Variants in MIPOL1 observed in about 807,000 individuals in gnomAD.
MIPOL1 encodes the protein mirror-image polydactyly 1, also known as mirror-image polydactyly gene 1 protein.
MIPOL1 carries 57 observed loss-of-function variants against 60.9 expected under a neutral mutation model. That is an observed-to-expected ratio of 0.94 (90% CI 0.76 to 1.17). MIPOL1 has a LOEUF of 1.17. MIPOL1 is among the 50% of genes most tolerant of loss of function. MIPOL1 has a pLI of 0.00. For synonymous variants in MIPOL1, 179 were observed against 168.8 expected, an observed-to-expected ratio of 1.06 and a Z score of -0.47; for missense variants, 551 against 511.6, an observed-to-expected ratio of 1.08 and a Z score of -0.74.
intron 10 of MIPOL1, among the ~76,000 whole-genome samples, chr14:37,384,686 A>G (rs1228086358): frequency 6.6e-6 from 1 of 151,944 alleles, no homozygotes; most frequent in Non-Finnish European, 1.5e-5. Context: ...CCATTCCCTT[A>G]ACAGTACCTG....
In MIPOL1 at chr14:37,268,717, C is replaced by T. The variant is rs151014638; in HGVS notation, c.311C>T (p.Thr104Ile). 9.2e-5 allele frequency: 147 copies of T among 1,601,394 alleles called. No homozygotes were observed. In the African/African-American group the frequency reaches 1.7e-3, roughly 19 times the overall value. ...HYECMTPCQV[T>I]SDSDKEKTIA... Reference sequence around the variant, plus strand: ...GAATGTATGACTCCTTGTCAAGTTACTTCAGACTCAGATAAAGAGAAGACA... The same window carrying T: ...GAATGTATGACTCCTTGTCAAGTTATTTCAGACTCAGATAAAGAGAAGACA... Residue 104 changes from threonine to isoleucine, a missense_variant, in exon 5 of 13, where the codon ACT (threonine) becomes ATT (isoleucine). Coordinates refer to ENST00000684589, the MANE Select transcript of MIPOL1 (RefSeq NM_001388067.1).
intron 1 of MIPOL1, among the ~76,000 whole-genome samples, chr14:37,237,430 A>C (rs1195591857): frequency 1.3e-5 from 2 of 151,932 alleles, no homozygotes; most frequent in Non-Finnish European, 1.5e-5. Context: ...CTTTTTCTTG[A>C]TTTGATGTTT....
At chr14:37,203,053 T>G (rs1965570298) in intron 1 of MIPOL1, among the ~76,000 whole-genome samples, 2 of 152,194 alleles carry the variant, frequency 1.3e-5, no homozygotes, top group Non-Finnish European at 2.9e-5. Flanking sequence ...GAGATGGCTT[T>G]AGGGTTGATG....
chr14:37,378,326 A>G (rs2092831609), intron 10 of MIPOL1, among the ~76,000 whole-genome samples: 1 of 152,054 alleles, frequency 6.6e-6, no homozygotes, highest in Admixed American at 6.6e-5. Context: ...ACACAATAGA[A>G]TATTACTCAA....
At chr14:37,409,967 C>G (rs1021912402) in intron 10 of MIPOL1, among the ~76,000 whole-genome samples, 4 of 152,088 alleles carry the variant, frequency 2.6e-5, no homozygotes, top group Admixed American at 2.0e-4. Flanking sequence ...GGAAAAGCAT[C>G]ATTAGAACTG....
chr14:37,533,768 A>G (rs1335993794), intron 12 of MIPOL1, among the ~76,000 whole-genome samples: 1 of 152,154 alleles, frequency 6.6e-6, no homozygotes, highest in East Asian at 1.9e-4. Flanking sequence ...ATGCCTGCTT[A>G]TTTTTGACTC....
At chr14:37,382,068 G>A (rs1221229835) in intron 10 of MIPOL1, among the ~76,000 whole-genome samples, 3 of 151,952 alleles carry the variant, frequency 2.0e-5, no homozygotes, top group Admixed American at 2.0e-4. Flanking sequence ...TCTTTTTAGT[G>A]CTTTCTTGGT....
intron 10 of MIPOL1, among the ~76,000 whole-genome samples, chr14:37,398,588 T>G (rs2093422561): frequency 2.0e-5 from 3 of 152,212 alleles, no homozygotes; most frequent in Non-Finnish European, 4.4e-5. Flanking sequence ...CTAGGGAGAC[T>G]ACTTCAGTTT....
intron 1 of MIPOL1, among the ~76,000 whole-genome samples, chr14:37,238,225 C>T (rs995840247): frequency 2.0e-5 from 3 of 152,088 alleles, no homozygotes; most frequent in Non-Finnish European, 2.9e-5. Context: ...TTGTTATAAA[C>T]GATTGCAAAC....
At chr14:37,353,883 T>G (rs1464621804) in intron 9 of MIPOL1, among the ~76,000 whole-genome samples, 15 of 152,048 alleles carry the variant, frequency 9.9e-5, no homozygotes, top group African/African-American at 1.7e-4. Context: ...ATTTTTTGAA[T>G]GGTTTTTTGT....
rs967218987 is a variant in MIPOL1 at position 37,273,909 on chromosome 14, T to C, written c.493+3384T>C. 2.0e-5 allele frequency among the ~76,000 whole-genome samples: 3 copies of C among 151,646 alleles called. No homozygotes were observed. In the East Asian group the frequency reaches 5.8e-4, roughly 29 times the overall value. Reference sequence around the variant, plus strand: ...TAAGTTGTGTCTCAAATTAATATTATTTTATTGCTTTTACGTTTATGAAAT... The same window carrying C: ...TAAGTTGTGTCTCAAATTAATATTACTTTATTGCTTTTACGTTTATGAAAT... On this transcript the variant is annotated intron_variant, in intron 6 of 12. Transcript: ENST00000684589.
chr14:37,235,166 TCTGAG>T, intron 1 of MIPOL1, among the ~76,000 whole-genome samples: 1 of 152,238 alleles, frequency 6.6e-6, no homozygotes, highest in Admixed American at 6.5e-5. Context: ...TTATGCTGCT[TCTGAG>T]CTATTGTTCT....
chr14:37,453,397 T>C (rs1217195212), intron 11 of MIPOL1, among the ~76,000 whole-genome samples: 1 of 152,142 alleles, frequency 6.6e-6, no homozygotes, highest in Non-Finnish European at 1.5e-5. Context: ...ACTCATTGTA[T>C]TTGATTAAAC....
chr14:37,442,211 ATATTGATTTTG>A, intron 11 of MIPOL1, among the ~76,000 whole-genome samples: 1 of 151,930 alleles, frequency 6.6e-6, no homozygotes, highest in Admixed American at 6.6e-5. Context: ...TGATTGTTGT[ATATTGATTTTG>A]TATCCTGACA....
At chr14:37,540,219 A>T (rs2095524213) in intron 12 of MIPOL1, among the ~76,000 whole-genome samples, 1 of 152,172 alleles carries the variant, frequency 6.6e-6, no homozygotes, top group Non-Finnish European at 1.5e-5. Flanking sequence ...CACTTTCTGT[A>T]TGACTTTTCA....
At chr14:37,278,372 T>C (rs925945316) in intron 6 of MIPOL1, 18 of 151,698 alleles carry the variant, frequency 1.2e-4, no homozygotes, top group Admixed American at 3.3e-4. Context: ...TAAATGTTAA[T>C]TGTTCTCATA....
At chr14:37,475,487 C>G (rs906341618) in intron 11 of MIPOL1, among the ~76,000 whole-genome samples, 6 of 152,054 alleles carry the variant, frequency 3.9e-5, no homozygotes, top group African/African-American at 1.4e-4. Flanking sequence ...CATCTAACAA[C>G]TGATCATCAA....
chr14:37,463,854 CTA>C (rs2094567955), intron 11 of MIPOL1, among the ~76,000 whole-genome samples: 1 of 152,070 alleles, frequency 6.6e-6, no homozygotes, highest in African/African-American at 2.4e-5. Flanking sequence ...TTGCTGTAAA[CTA>C]TGCATTGAAC....
intron 9 of MIPOL1, among the ~76,000 whole-genome samples, chr14:37,354,209 G>A (rs1325130450): frequency 6.6e-6 from 1 of 151,826 alleles, no homozygotes; most frequent in African/African-American, 2.4e-5. Context: ...CCATGTAGTT[G>A]AGCAGTTTTG....
Sources: gnomAD v4.1 joint callset for allele counts (sites outside exome capture counted in the v4.1 genomes callset) on GRCh38, gnomAD v4.1.1 for gene constraint, MANE v1.5 for transcripts, NCBI Gene and HGNC (gene_info 2026-07-23, HGNC 2026-07-21) for gene names.